The following DIAPH3 variants were observed in gnomAD, a reference collection of about 807,000 sequenced individuals.
The protein encoded by DIAPH3 is diaphanous related formin 3, also known as protein diaphanous homolog 3.
In DIAPH3, 117 loss-of-function variants were observed where a neutral mutation model predicts 144.3. The ratio of observed to expected loss-of-function variants is 0.81; its 90% CI spans 0.70 to 0.95. The LOEUF (loss-of-function observed/expected upper bound fraction) is 0.95. Among genes scored for constraint, DIAPH3 ranks in the 40% least tolerant of loss-of-function variants. The probability of loss-of-function intolerance (pLI) is 0.00; values close to 1 mark genes in which losing one functional copy is unlikely to be tolerated. For missense variants in DIAPH3, 1,421 were observed against 1,412.7 expected, an observed-to-expected ratio of 1.01 and a Z score of -0.09; for synonymous variants, 519 against 488.9, an observed-to-expected ratio of 1.06 and a Z score of -0.81.
At chr13:59,877,624 T>C (rs1215770544) in intron 21 of DIAPH3, among the ~76,000 whole-genome samples, 1 of 152,094 alleles carries the variant, frequency 6.6e-6, no homozygotes, top group Non-Finnish European at 1.5e-5. Context: ...TTAACCTTCT[T>C]CCATACTGCT....
chr13:59,670,737 C>T (rs1026303835), intron 27 of DIAPH3, among the ~76,000 whole-genome samples: 9 of 152,078 alleles, frequency 5.9e-5, no homozygotes, highest in Admixed American at 1.3e-4. Context: ...CGCCCGCCAC[C>T]ACGCCCGGCT....
chr13:59,951,525 G>T (rs2049097315), intron 17 of DIAPH3, among the ~76,000 whole-genome samples: 1 of 151,986 alleles, frequency 6.6e-6, no homozygotes, highest in South Asian at 2.1e-4. Context: ...ATGTAAAATT[G>T]CAAGCTTCTC....
At chr13:59,683,908 A>G (rs562511223) in intron 27 of DIAPH3, among the ~76,000 whole-genome samples, 2 of 152,270 alleles carry the variant, frequency 1.3e-5, no homozygotes, top group Admixed American at 1.3e-4. Context: ...GTCTTAATCC[A>G]ATGGTGATGA....
chr13:60,014,757 T>G (rs3783041), intron 7 of DIAPH3, among the ~76,000 whole-genome samples: 1 of 152,058 alleles, frequency 6.6e-6, no homozygotes, highest in Admixed American at 6.6e-5. Flanking sequence ...CAGGTAAAAT[T>G]TCCCCCCCTG....
intron 27 of DIAPH3, among the ~76,000 whole-genome samples, chr13:59,670,396 A>G (rs2032293264): frequency 6.6e-6 from 1 of 152,132 alleles, no homozygotes; most frequent in Admixed American, 6.5e-5. Context: ...CAGCACCCCA[A>G]CAGCCCCCAT....
intron 15 of DIAPH3, among the ~76,000 whole-genome samples, 164 bp downstream of exon 15, chr13:59,974,188 T>C (rs916220704): frequency 1.3e-5 from 2 of 151,952 alleles, no homozygotes; most frequent in Admixed American, 6.6e-5. Context: ...TACATACATA[T>C]AGAAAAAAAT....
At chr13:59,809,500 C>A (rs1410632582) in intron 25 of DIAPH3, among the ~76,000 whole-genome samples, 3 of 116,348 alleles carry the variant, frequency 2.6e-5, no homozygotes, top group Non-Finnish European at 5.2e-5. Context: ...GAAACTCCAT[C>A]TCAAAAAAAA....
At chr13:59,706,721 C>T (rs545815535) in intron 27 of DIAPH3, among the ~76,000 whole-genome samples, 1 of 152,244 alleles carries the variant, frequency 6.6e-6, no homozygotes, top group East Asian at 1.9e-4. Flanking sequence ...TAAGTTTTGA[C>T]TGTGAATGGT....
intron 27 of DIAPH3, among the ~76,000 whole-genome samples, chr13:59,760,594 G>A (rs1201337131): frequency 2.0e-5 from 3 of 152,238 alleles, no homozygotes; most frequent in South Asian, 2.1e-4. Flanking sequence ...TGTGGACTTC[G>A]TTGTTATTTG....
At chr13:59,679,537 G>C (rs1211860889) in intron 27 of DIAPH3, among the ~76,000 whole-genome samples, 1 of 152,092 alleles carries the variant, frequency 6.6e-6, no homozygotes, top group Non-Finnish European at 1.5e-5. Flanking sequence ...CCATACAGAG[G>C]GCAGAAAAGA....
chr13:59,751,814 A>G (rs2037020933), intron 27 of DIAPH3, among the ~76,000 whole-genome samples: 1 of 152,254 alleles, frequency 6.6e-6, no homozygotes, highest in African/African-American at 2.4e-5. Flanking sequence ...TACAAGTAAA[A>G]TGGAAAAATT....
rs182968577 is a variant in DIAPH3, at chr13:60,035,869, G to A, written c.626+6821C>T. Among the ~76,000 whole-genome samples, 301 of 152,178 alleles carry A rather than the reference G, an allele frequency of 2.0e-3. 3 individuals are homozygous for A. The highest frequency in any genetic ancestry group is 2.3e-3 in the East Asian group (12 of 5,180). ...AAACTCTGTTTAAAAAATGCATCCC[G>A]CTAATATTTTTAATTTACCAGAGAT... is the stretch of plus-strand genomic sequence containing the variant. On this transcript the variant is annotated intron_variant, in intron 5 of 27. Coordinates refer to ENST00000400324, the MANE Select transcript of DIAPH3 (RefSeq NM_001042517.2).
chr13:59,873,505 T>A (rs371217650), intron 21 of DIAPH3, among the ~76,000 whole-genome samples: 2 of 152,282 alleles, frequency 1.3e-5, no homozygotes, highest in South Asian at 2.1e-4. Flanking sequence ...AAACTCTACC[T>A]GTACAAGCTA....
intron 17 of DIAPH3, among the ~76,000 whole-genome samples, chr13:59,928,164 A>G (rs1385372386): frequency 6.6e-6 from 1 of 152,094 alleles, no homozygotes; most frequent in Non-Finnish European, 1.5e-5. Flanking sequence ...TGTCTAGTCT[A>G]CTGATGAAGG....
chr13:59,965,642 ATC>A (rs2050005518), intron 17 of DIAPH3, among the ~76,000 whole-genome samples: 2 of 151,974 alleles, frequency 1.3e-5, no homozygotes, highest in South Asian at 4.1e-4. Flanking sequence ...TAGATAAACA[ATC>A]TTTTTTTATA....
At chr13:59,728,242 T>C (rs2035704503) in intron 27 of DIAPH3, among the ~76,000 whole-genome samples, 1 of 151,856 alleles carries the variant, frequency 6.6e-6, no homozygotes, top group African/African-American at 2.4e-5. Context: ...CTTTATCTAG[T>C]TTTTGCTTAT....
At chr13:60,002,666 AG>A (rs1456334755) in intron 9 of DIAPH3, among the ~76,000 whole-genome samples, 2 of 152,200 alleles carry the variant, frequency 1.3e-5, no homozygotes, top group Non-Finnish European at 2.9e-5. Flanking sequence ...GTACTGGATC[AG>A]GGAGAAACCA....
chr13:60,140,179 A>G (rs2059395391), intron 1 of DIAPH3, among the ~76,000 whole-genome samples: 1 of 152,214 alleles, frequency 6.6e-6, no homozygotes, highest in Non-Finnish European at 1.5e-5. Context: ...AGACTGACAG[A>G]GCATCACCCA....
chr13:60,136,492 A>T (rs865925379), intron 1 of DIAPH3, among the ~76,000 whole-genome samples: 258 of 150,014 alleles, frequency 1.7e-3, no homozygotes, highest in African/African-American at 5.9e-3. Flanking sequence ...AAAAAAAAAA[A>T]GTTAGAAGCA....
Sources: gnomAD v4.1 joint callset for allele counts (sites outside exome capture counted in the v4.1 genomes callset) on GRCh38, gnomAD v4.1.1 for gene constraint, MANE v1.5 for transcripts, NCBI Gene and HGNC (gene_info 2026-07-23, HGNC 2026-07-21) for gene names.